WDR49: variants seen among roughly 807,000 people sequenced by gnomAD.
WDR49 encodes the protein cilia- and flagella-associated protein 337.
WDR49 carries 107 observed loss-of-function variants against 119.5 expected under a neutral mutation model. The ratio of observed to expected loss-of-function variants is 0.90; its 90% CI spans 0.77 to 1.05. WDR49 has a LOEUF of 1.05. Ranked by LOEUF, WDR49 falls within the 50% of genes least tolerant of loss-of-function variation. The probability of loss-of-function intolerance (pLI) is 0.00; values close to 1 mark genes in which losing one functional copy is unlikely to be tolerated. For synonymous variants in WDR49, 425 were observed against 418.8 expected, an observed-to-expected ratio of 1.01 and a Z score of -0.18; for missense variants, 1,240 against 1,220.5, an observed-to-expected ratio of 1.02 and a Z score of -0.24.
At chr3:167,601,378 T>C (rs185296084) in intron 7 of WDR49, among the ~76,000 whole-genome samples, 2 of 152,294 alleles carry the variant, frequency 1.3e-5, no homozygotes, top group Middle Eastern at 3.4e-3. Context: ...AAATTTATAT[T>C]CACTCAAAGA....
intron 2 of WDR49, among the ~76,000 whole-genome samples, chr3:167,636,899 T>G (rs1717646954): frequency 6.6e-6 from 1 of 151,958 alleles, no homozygotes; most frequent in Non-Finnish European, 1.5e-5. Context: ...ATTAGCCCTT[T>G]GTCAGGTGTA....
At chr3:167,648,606 T>G (rs1219043869) in intron 2 of WDR49, among the ~76,000 whole-genome samples, 1 of 152,158 alleles carries the variant, frequency 6.6e-6, no homozygotes, top group Non-Finnish European at 1.5e-5. Context: ...AAGAGGACCA[T>G]GGGTGAGATC....
At chr3:167,525,479 G>A (rs1002089419) in intron 15 of WDR49, among the ~76,000 whole-genome samples, 2 of 151,960 alleles carry the variant, frequency 1.3e-5, no homozygotes, top group Non-Finnish European at 2.9e-5. Context: ...TTGTTTAAAT[G>A]TGGGCAACTA....
chr3:167,589,751 G>T (rs116555314), intron 7 of WDR49, among the ~76,000 whole-genome samples: 2,900 of 152,108 alleles, frequency 0.019, 63 homozygotes, highest in Non-Finnish European at 0.022. Flanking sequence ...ATATAGAAAT[G>T]CAACTGATTA....
rs772242637 is a variant in WDR49 at position 167,604,296 on chromosome 3, C to T, written c.1126+5G>A. On this transcript the variant is annotated splice_donor_5th_base_variant and intron_variant, in intron 6 of 18. Transcript: ENST00000682715. ...CTCATAGTTATCATGATTTATTTTA[C>T]CTACCAATTAAATTGAGCCGAGAGT... 7 of 1,612,884 alleles carry T rather than the reference C, an allele frequency of 4.3e-6. No homozygotes were observed. The South Asian group carries it at 5.5e-5, about 13-fold the overall frequency.
Position 167,626,995 on chromosome 3 carries a change from A to G in WDR49, c.463T>C (p.Tyr155His). ...KVIFLKNSSH[Y>H]LTISKEGLLA... ...AAACCTTCTTTACTAATTGTCAGAT[A>G]ATGACTTGAATTTTTTAAGAAAATT... is the stretch of plus-strand genomic sequence containing the variant. The change falls in exon 3 of 19, where the codon TAT (tyrosine) becomes CAT (histidine). Residue 155 changes from tyrosine to histidine, a missense_variant. Physicochemically the swap from Tyr to His is moderately conservative, Grantham distance 83. Transcript: ENST00000682715. The G allele has an allele frequency of 7.5e-7, 1 of 1,332,068 alleles. No individual in the cohort carries two copies. Among genetic ancestry groups the G allele is most frequent in the South Asian group, 2.4e-5 (1 of 42,198 alleles). 82.5% of individuals were successfully genotyped at this position (1,332,068 alleles called of 1,614,324 possible).
intron 9 of WDR49, among the ~76,000 whole-genome samples, chr3:167,559,066 GC>G (rs1713111018): frequency 6.6e-6 from 1 of 152,082 alleles, no homozygotes; most frequent in East Asian, 1.9e-4. Context: ...CTTCTCATAG[GC>G]CAACTTCTAC....
At chr3:167,542,779 T>C (rs1711922408) in intron 10 of WDR49, among the ~76,000 whole-genome samples, 1 of 151,246 alleles carries the variant, frequency 6.6e-6, no homozygotes, top group Admixed American at 6.6e-5. Flanking sequence ...AGAAAAAATA[T>C]AACAAGGATC....
intron 11 of WDR49, among the ~76,000 whole-genome samples, chr3:167,533,476 T>C (rs1196975385): frequency 4.6e-5 from 7 of 152,128 alleles, no homozygotes; most frequent in Non-Finnish European, 8.8e-5. Flanking sequence ...TTTTTATTAT[T>C]GGGTAAAAGC....
At chr3:167,493,092 G>T (rs1751215492) in intron 18 of WDR49, among the ~76,000 whole-genome samples, 1 of 152,110 alleles carries the variant, frequency 6.6e-6, no homozygotes, top group Non-Finnish European at 1.5e-5. Context: ...CACTGGAGGA[G>T]AAATGGATTT....
chr3:167,483,553 T>A (rs1054221505), intron 18 of WDR49, among the ~76,000 whole-genome samples: 4 of 152,200 alleles, frequency 2.6e-5, no homozygotes, highest in African/African-American at 9.7e-5. Context: ...CCCTGTTTCT[T>A]GGGCCTGAAA....
At chr3:167,621,355 T>A in intron 4 of WDR49, 112 bp downstream of exon 4, 1 of 1,108,468 alleles carries the variant, frequency 9.0e-7, no homozygotes, top group East Asian at 2.7e-5. Context: ...GTGCATGTAA[T>A]CCATAATGTA....
At chr3:167,581,120 C>G (rs905683500) in intron 7 of WDR49, among the ~76,000 whole-genome samples, 3 of 152,016 alleles carry the variant, frequency 2.0e-5, no homozygotes, top group Non-Finnish European at 4.4e-5. Flanking sequence ...AGAATAAGCA[C>G]CTAAGTTTAT....
chr3:167,583,220 T>TAATTTACAATGTAAATTAAAACTCTTTA (rs1714639424), intron 7 of WDR49, among the ~76,000 whole-genome samples: 3 of 152,126 alleles, frequency 2.0e-5, no homozygotes, highest in African/African-American at 4.8e-5. Flanking sequence ...GCTCCTCTTT[T>TAATTTACAATGTAAATTAAAACTCTTTA]AATTTACAAT....
In WDR49 at chr3:167,564,775, G is replaced by A. The variant is rs141302519; in HGVS notation, c.1510-4547C>T. Among the ~76,000 whole-genome samples, 141 of 152,240 alleles carry A rather than the reference G, an allele frequency of 9.3e-4. No homozygotes were observed. In the South Asian group the frequency reaches 0.016, roughly 17 times the overall value. On this transcript the variant is annotated intron_variant, in intron 8 of 18. Coordinates refer to ENST00000682715, the MANE Select transcript of WDR49 (RefSeq NM_001366157.1). ...CTCCTTTTTGTTTCTCTCATCTGAA[G>A]CTGTCAGAGCTAATCAGACAATTCT...
chr3:167,577,843 A>C (rs1714327771), intron 7 of WDR49, among the ~76,000 whole-genome samples: 1 of 152,108 alleles, frequency 6.6e-6, no homozygotes, highest in African/African-American at 2.4e-5. Flanking sequence ...ATTTTAAATC[A>C]TACACTGCTT....
chr3:167,573,484 T>C (rs894873065), intron 8 of WDR49, among the ~76,000 whole-genome samples: 5 of 152,070 alleles, frequency 3.3e-5, no homozygotes, highest in South Asian at 4.2e-4. Flanking sequence ...TAGATATTTA[T>C]AGGGAGACAT....
Position 167,522,483 on chromosome 3 carries a change from G to A in WDR49, c.2606C>T (p.Ala869Val). The change falls in exon 16 of 19, where the codon GCA becomes GTA. Residue 869 changes from alanine (A) to valine (V), a missense_variant and splice_region_variant. Physicochemically the swap from Ala to Val is moderately conservative, Grantham distance 64. Transcript: ENST00000682715. ...GCAGTTTTCAATATGCCAGTGCTTT[G>A]CCTGAAAAAAACGAAAACATCTGTT... ...CNAPVWIFGQ[A>V]KHWHIENCLF... The A allele has an allele frequency of 6.3e-7, 1 of 1,584,394 alleles. No individual in the cohort carries two copies. The highest frequency in any genetic ancestry group is 8.5e-7 in the Non-Finnish European group (1 of 1,173,076).
chr3:167,650,717 T>C (rs1002168218), intron 2 of WDR49, among the ~76,000 whole-genome samples: 1 of 152,202 alleles, frequency 6.6e-6, no homozygotes, highest in Non-Finnish European at 1.5e-5. Flanking sequence ...ATCAAGGCAC[T>C]GTCAGAGGTC....
Sources: gnomAD v4.1 joint callset for allele counts (sites outside exome capture counted in the v4.1 genomes callset) on GRCh38, gnomAD v4.1.1 for gene constraint, MANE v1.5 for transcripts, NCBI Gene and HGNC (gene_info 2026-07-23, HGNC 2026-07-21) for gene names.